Variants in DMD observed in about 807,000 individuals in gnomAD.
The protein encoded by DMD is dystrophin.
In DMD, 63 loss-of-function variants were observed where a neutral mutation model predicts 330.1. The observed-to-expected ratio is 0.19, with a 90% confidence interval of 0.16 to 0.24. The LOEUF (loss-of-function observed/expected upper bound fraction) is 0.24. Ranked by LOEUF, DMD falls within the 10% of genes least tolerant of loss-of-function variation. The probability of loss-of-function intolerance (pLI) is 1.00; values close to 1 mark genes in which losing one functional copy is unlikely to be tolerated. For synonymous variants in DMD, 1,223 were observed against 959.8 expected (o/e 1.27, Z -5.07); for missense variants, 3,344 against 2,684.1 (o/e 1.25, Z -5.43).
intron 45 of DMD, among the ~76,000 whole-genome samples, chrX:31,957,842 A>G (rs2095261892): frequency 9.0e-6 from 1 of 111,585 alleles, no homozygotes; most frequent in Non-Finnish European, 1.9e-5. Flanking sequence ...AAACCAAGGT[A>G]AGGAATCAAT....
At chrX:32,841,865 T>G (rs973226178) in intron 4 of DMD, among the ~76,000 whole-genome samples, 1 of 112,098 alleles carries the variant, frequency 8.9e-6, no homozygotes, top group Non-Finnish European at 1.9e-5. Flanking sequence ...TTGTTTTTAT[T>G]AATATTAACC....
At chrX:31,145,091 C>T (rs186960599) in intron 76 of DMD, among the ~76,000 whole-genome samples, 6 of 112,264 alleles carry the variant, frequency 5.3e-5, no homozygotes, top group Non-Finnish European at 9.4e-5. Context: ...TTCCTTCTTA[C>T]TTGGTAATGT....
chrX:32,838,022 T>G (rs1948723929), intron 4 of DMD, among the ~76,000 whole-genome samples: 1 of 112,171 alleles, frequency 8.9e-6, no homozygotes, highest in African/African-American at 3.2e-5. Flanking sequence ...AAATCACTAT[T>G]AAACCTACAG....
At chrX:31,715,850 C>T (rs1223999592) in intron 52 of DMD, among the ~76,000 whole-genome samples, 6 of 111,191 alleles carry the variant, frequency 5.4e-5, no homozygotes, top group African/African-American at 1.6e-4. Context: ...TCAAACAAGG[C>T]GTTTTATTAA....
chrX:32,521,768 G>T (rs1026395916), intron 17 of DMD, among the ~76,000 whole-genome samples: 8 of 111,882 alleles, frequency 7.2e-5, no homozygotes, highest in Non-Finnish European at 1.1e-4. Context: ...CCTCATATTT[G>T]TTATCTTCAT....
chrX:31,194,844 T>C (rs2042721425), intron 67 of DMD, among the ~76,000 whole-genome samples: 1 of 111,636 alleles, frequency 9.0e-6, no homozygotes, highest in Admixed American at 9.5e-5. Context: ...CCAGGATTCG[T>C]TTTCTCTAAA....
At chrX:32,989,870 ACTCCATTTTCTTAGCTGTAGGG>A (rs1159467702) in intron 2 of DMD, among the ~76,000 whole-genome samples, 1 of 110,987 alleles carries the variant, frequency 9.0e-6, no homozygotes, top group African/African-American at 3.3e-5. Flanking sequence ...TCTGATTGTC[ACTCCATTTTCTTAGCTGTAGGG>A]CCAGAATCTA....
intron 1 of DMD, among the ~76,000 whole-genome samples, chrX:33,088,493 T>C (rs183295388): frequency 7.3e-4 from 82 of 111,821 alleles, no homozygotes; most frequent in African/African-American, 2.7e-3. Context: ...GGGGAGGATC[T>C]TAAAGTAACG....
At chrX:31,851,122 C>G (rs1361586521) in intron 48 of DMD, among the ~76,000 whole-genome samples, 1 of 111,384 alleles carries the variant, frequency 9.0e-6, no homozygotes, top group Non-Finnish European at 1.9e-5. Flanking sequence ...TGTTGGGTGA[C>G]TGTTCTTTTA....
chrX:32,940,875 A>T (rs1490549746), intron 2 of DMD, among the ~76,000 whole-genome samples: 2 of 111,692 alleles, frequency 1.8e-5, no homozygotes, highest in Non-Finnish European at 3.8e-5. Context: ...CAACCTACGG[A>T]ACGGGAGAAA....
At chrX:32,801,631 T>C (rs2076573172) in intron 7 of DMD, among the ~76,000 whole-genome samples, 1 of 112,285 alleles carries the variant, frequency 8.9e-6, no homozygotes, top group African/African-American at 3.2e-5. Context: ...CTAGGGTTTT[T>C]ATGGTTTTAG....
intron 3 of DMD, among the ~76,000 whole-genome samples, chrX:32,845,867 T>A (rs2080610660): frequency 8.9e-6 from 1 of 112,207 alleles, no homozygotes; most frequent in Non-Finnish European, 1.9e-5. Context: ...CATACACAAG[T>A]TACAACATGT....
At chrX:32,784,009 G>A (rs746616155) in intron 7 of DMD, among the ~76,000 whole-genome samples, 6 of 107,010 alleles carry the variant, frequency 5.6e-5, no homozygotes, top group Non-Finnish European at 9.7e-5. Context: ...GCGGGGGTGG[G>A]GGGGGGAAAT....
chrX:33,070,669 C>CTATATATA (rs2094736229), intron 1 of DMD, among the ~76,000 whole-genome samples: 1 of 45,681 alleles, frequency 2.2e-5, no homozygotes, highest in African/African-American at 9.5e-5. Context: ...CTCTCTCTCT[C>CTATATATA]TCTCTATATA....
At chrX:31,603,759 CTA>C (rs1271575209) in intron 55 of DMD, among the ~76,000 whole-genome samples, 1 of 111,900 alleles carries the variant, frequency 8.9e-6, no homozygotes, top group Non-Finnish European at 1.9e-5. Flanking sequence ...TTTCTATTAC[CTA>C]TGTTTCCAGA....
At chrX:33,032,930 T>C (rs111929794) in intron 1 of DMD, among the ~76,000 whole-genome samples, 4,368 of 111,886 alleles carry the variant, frequency 0.039, 159 homozygotes, top group African/African-American at 0.1. Context: ...AAATTATAAA[T>C]AGGAATGAAG....
At chrX:33,200,239 TATA>T (rs1020430295) in intron 1 of DMD, among the ~76,000 whole-genome samples, 22 of 111,652 alleles carry the variant, frequency 2.0e-4, no homozygotes, top group African/African-American at 7.1e-4. Flanking sequence ...GACATTTGAA[TATA>T]ATAAGTTGTT....
chrX:32,068,374 A>ATTTTTTTTTTTTT (rs749610367), intron 44 of DMD, among the ~76,000 whole-genome samples: 2 of 64,298 alleles, frequency 3.1e-5, no homozygotes, highest in East Asian at 5.3e-4. Flanking sequence ...CTTGCTTGTC[A>ATTTTTTTTTTTTT]TTTTTTTTTT....
At chrX:32,392,798 T>A (rs1377947138) in intron 30 of DMD, among the ~76,000 whole-genome samples, 7 of 112,719 alleles carry the variant, frequency 6.2e-5, no homozygotes, top group African/African-American at 2.3e-4. Context: ...GTGCTCCCTT[T>A]TAGAATCCAT....
Sources: allele counts gnomAD v4.1 joint callset (sites outside exome capture counted in the v4.1 genomes callset), GRCh38; gene constraint gnomAD v4.1.1; transcripts MANE v1.5; gene names NCBI Gene and HGNC (gene_info 2026-07-23, HGNC 2026-07-21).